MIAT: variants seen among roughly 807,000 people sequenced by gnomAD.
MIAT encodes myocardial infarction associated transcript, also known as MI related novel mRNA.
chr22:26,651,439 A>G (rs1930334529), intron 2 of MIAT, among the ~76,000 whole-genome samples: 1 of 152,272 alleles, frequency 6.6e-6, no homozygotes, highest in Admixed American at 6.5e-5. Flanking sequence ...AGCTGGGAAC[A>G]TGGGAGGGTG....
downstream of MIAT, chr22:26,670,606 A>T (rs1165241837): frequency 7.8e-6 from 2 of 256,698 alleles, no homozygotes; most frequent in Admixed American, 7.1e-5. Flanking sequence ...GCTCCTTAAA[A>T]AAAAAAAAAA....
At chr22:26,667,283 C>G (rs1414593936) in exon 5 of MIAT, 6 of 398,198 alleles carry the variant, frequency 1.5e-5, no homozygotes, top group Non-Finnish European at 2.7e-5. Context: ...CATGTCAGAA[C>G]ACGCTTTATT....
At chr22:26,674,877 G>A (rs1259813918) in exon 5 of MIAT, 4 of 398,602 alleles carry the variant, frequency 1.0e-5, no homozygotes, top group East Asian at 7.1e-5. Context: ...TGGGCGCTGG[G>A]ACCTGCACCT....
downstream of MIAT, chr22:26,670,909 G>A (rs1931021788): frequency 5.0e-6 from 2 of 398,304 alleles, no homozygotes; most frequent in Admixed American, 4.4e-5. Context: ...AGCAGACCGG[G>A]TGGGCGTGGG....
downstream of MIAT, chr22:26,672,459 A>C: frequency 2.5e-6 from 1 of 399,536 alleles, no homozygotes; most frequent in Non-Finnish European, 4.4e-6. Context: ...TGAGTATGAC[A>C]TCTCTCCTAT....
At chr22:26,647,247 G>A (rs1408320443) in exon 2 of MIAT, 2 of 398,500 alleles carry the variant, frequency 5.0e-6, no homozygotes, top group East Asian at 3.6e-5. Context: ...GCAAACATAT[G>A]TGGAAGGCCT....
exon 5 of MIAT, chr22:26,676,121 T>C: frequency 2.5e-6 from 1 of 397,964 alleles, no homozygotes; most frequent in Non-Finnish European, 4.4e-6. Context: ...AATCCTTTCT[T>C]AATAGGTTGT....
At chr22:26,666,806 G>A (rs1262286380) in exon 4 of MIAT, 2 of 398,792 alleles carry the variant, frequency 5.0e-6, no homozygotes, top group Admixed American at 4.4e-5. Context: ...GGCCTGGGGA[G>A]GGGGCCTGGG....
At chr22:26,665,321 C>A (rs78699720) in intron 3 of MIAT, 1 of 392,102 alleles carries the variant, frequency 2.6e-6, no homozygotes, top group African/African-American at 2.1e-5. Flanking sequence ...ACATTGAGTA[C>A]GTAGGAGTGA....
chr22:26,668,466 C>G (rs1471396844), exon 6 of MIAT: 8 of 398,762 alleles, frequency 2.0e-5, no homozygotes, highest in Admixed American at 1.3e-4. Context: ...CCTGCTGGGC[C>G]CTATTGTCTG....
intron 2 of MIAT, among the ~76,000 whole-genome samples, chr22:26,660,449 C>T (rs1163778510): frequency 3.7e-5 from 4 of 108,320 alleles, no homozygotes; most frequent in African/African-American, 1.5e-4. Flanking sequence ...GCCTGGGTGA[C>T]GGAGACTATC....
At chr22:26,671,651 A>G, downstream of MIAT, 6 of 398,652 alleles carry the variant, frequency 1.5e-5, no homozygotes, top group Non-Finnish European at 2.2e-5. Context: ...CCCACGTTCC[A>G]GGACAGAGAA....
At chr22:26,653,827 C>A (rs1281864721) in intron 2 of MIAT, among the ~76,000 whole-genome samples, 1 of 152,134 alleles carries the variant, frequency 6.6e-6, no homozygotes, top group Non-Finnish European at 1.5e-5. Flanking sequence ...GCAACTTCCG[C>A]CTCCCAGGTT....
At chr22:26,646,842 G>T in exon 1 of MIAT, 1 of 398,622 alleles carries the variant, frequency 2.5e-6, no homozygotes. Flanking sequence ...GTCGGCCTCT[G>T]TGTCTGCAGA....
intron 2 of MIAT, among the ~76,000 whole-genome samples, chr22:26,652,890 C>G (rs1466129360): frequency 6.6e-6 from 1 of 152,128 alleles, no homozygotes; most frequent in East Asian, 1.9e-4. Context: ...TTGGGGTACT[C>G]TTATCTTATG....
rs1194933803 is a variant in MIAT, at chr22:26,661,959, T to C, written n.647-1357T>C. Among the ~76,000 whole-genome samples the C allele has an allele frequency of 2.6e-3, 141 of 54,320 alleles. 2 individuals are homozygous for C. Among genetic ancestry groups the C allele is most frequent in the Middle Eastern group, 0.012 (1 of 86 alleles). 35.6% of individuals were successfully genotyped at this position (54,320 alleles called of 152,430 possible). A position where few individuals can be genotyped will look rare whatever the true frequency, so the allele number is the denominator to read the frequency against. On this transcript the variant is annotated intron_variant and non_coding_transcript_variant, in intron 2 of 5. Transcript: ENST00000643270. ...ATATATATATATATATATATATATATATACACACACACACATATACATGGA... is the reference window on the plus strand; with the variant it reads ...ATATATATATATATATATATATATACATACACACACACACATATACATGGA...
At chr22:26,657,469 A>T in intron 2 of MIAT, 3 of 398,672 alleles carry the variant, frequency 7.5e-6, no homozygotes, top group East Asian at 7.1e-5. Context: ...TTAAAATTTC[A>T]TGGGCGCTGC....
chr22:26,667,431 CGCGTGT>C (rs1930893845), intron 5 of MIAT: 8 of 392,874 alleles, frequency 2.0e-5, no homozygotes, highest in Admixed American at 4.5e-5. Context: ...TGTGTATGCG[CGCGTGT>C]GTGTGTATGT....
At chr22:26,658,676 C>T (rs752487640) in intron 2 of MIAT, among the ~76,000 whole-genome samples, 6 of 152,326 alleles carry the variant, frequency 3.9e-5, no homozygotes, top group Non-Finnish European at 8.8e-5. Flanking sequence ...TCCCCACCCT[C>T]ATCCCAGGCT....
Sources: allele counts gnomAD v4.1 joint callset (sites outside exome capture counted in the v4.1 genomes callset), GRCh38; gene constraint gnomAD v4.1.1; transcripts MANE v1.5; gene names NCBI Gene and HGNC (gene_info 2026-07-23, HGNC 2026-07-21).